The following AGBL5 variants were observed in gnomAD, a reference collection of about 807,000 sequenced individuals.
AGBL5 encodes cytosolic carboxypeptidase-like protein 5.
AGBL5 carries 51 observed loss-of-function variants against 88.0 expected under a neutral mutation model. The ratio of observed to expected loss-of-function variants is 0.58; its 90% CI spans 0.46 to 0.73. The LOEUF (loss-of-function observed/expected upper bound fraction) is 0.73. AGBL5 is among the 30% of genes least tolerant of loss of function. AGBL5 has a pLI of 0.00. For missense variants in AGBL5, 1,031 were observed against 1,162.2 expected, an observed-to-expected ratio of 0.89 and a Z score of 1.64; for synonymous variants, 446 against 438.8, an observed-to-expected ratio of 1.02 and a Z score of -0.21.
At chr2:27,068,131 T>A (rs139020865) in intron 12 of AGBL5, among the ~76,000 whole-genome samples, 1 of 152,314 alleles carries the variant, frequency 6.6e-6, no homozygotes, top group East Asian at 1.9e-4. Context: ...ATTTTAAGAC[T>A]CTAGTCCAAC....
Position 27,070,244 on chromosome 2 carries a change from C to T in AGBL5, c.2642C>T (p.Thr881Ile), listed in dbSNP as rs1227720773. 2 of 1,614,220 alleles carry T rather than the reference C, an allele frequency of 1.2e-6. No homozygotes were observed. Among genetic ancestry groups the T allele is most frequent in the South Asian group, 1.1e-5 (1 of 91,084 alleles). The change falls in exon 15 of 15, where the codon ACT becomes ATT. Residue 881 changes from threonine (T) to isoleucine (I), a missense_variant. Thr to Ile is a moderately conservative substitution (Grantham distance 89, BLOSUM62 -1). Coordinates refer to ENST00000360131, the MANE Select transcript of AGBL5 (RefSeq NM_021831.6). Reference sequence around the variant, plus strand: ...TTTGTCCCTAAATCTCCCCCACTGACTGTTTCTCCCCGGGTCTGATAATGC... The same window carrying T: ...TTTGTCCCTAAATCTCCCCCACTGATTGTTTCTCCCCGGGTCTGATAATGC... ...VCFVPKSPPLTVSPRV is the reference protein window; with the variant it reads ...VCFVPKSPPLIVSPRV
intron 12 of AGBL5, 27 bp downstream of exon 12, chr2:27,067,673 G>A: frequency 6.2e-7 from 1 of 1,612,902 alleles, no homozygotes; most frequent in East Asian, 2.2e-5. Flanking sequence ...ACTGAAATCT[G>A]GGTTTGCCAG....
Position 27,053,766 on chromosome 2 carries a change from A to G in AGBL5, c.388-130A>G. On this transcript the variant is annotated intron_variant, in intron 3 of 14. Transcript: ENST00000360131. This position sits in a 1 kb window ranked among gnomAD's most constrained non-coding sequence, Gnocchi z 4.9. Reference sequence around the variant, plus strand: ...AAGCCTAGAAGGAGCCACTTTTCATATAGAAAGTGTCACAGGGAGGGAAGT... The same window carrying G: ...AAGCCTAGAAGGAGCCACTTTTCATGTAGAAAGTGTCACAGGGAGGGAAGT... The G allele has an allele frequency of 7.1e-7, 1 of 1,417,144 alleles. No individual in the cohort carries two copies. Among genetic ancestry groups the G allele is most frequent in the Non-Finnish European group, 9.5e-7 (1 of 1,051,032 alleles). 87.8% of individuals were successfully genotyped at this position (1,417,144 alleles called of 1,614,324 possible).
In AGBL5 at chr2:27,055,172, G is replaced by C. The variant is rs141571521; in HGVS notation, c.827G>C (p.Arg276Pro). The C allele has an allele frequency of 2.5e-6, 4 of 1,614,164 alleles. No homozygotes were observed. The change falls in exon 6 of 15, where the codon CGG becomes CCG. Residue 276 changes from arginine to proline, a missense_variant. Arg to Pro is a moderately radical substitution (Grantham distance 103). Transcript: ENST00000360131. Reference protein sequence around the residue: ...LDFILRPDDPRAQTLRRLFVF... With the variant: ...LDFILRPDDPPAQTLRRLFVF... ...TTCATCCTCCGACCTGATGATCCCC[G>C]GGCCCAAACCCTCCGTCGCCTCTTC...
intron 8 of AGBL5, 45 bp from the exon 9 acceptor site, chr2:27,057,258 G>A (rs899395892): frequency 5.1e-6 from 8 of 1,576,764 alleles, no homozygotes; most frequent in Admixed American, 3.5e-5. Context: ...GTTCTGTCCT[G>A]GTATCTGTTC....
chr2:27,058,227 G>C (rs1018598110), intron 9 of AGBL5, among the ~76,000 whole-genome samples, 173 bp from the exon 10 acceptor site: 11 of 152,194 alleles, frequency 7.2e-5, no homozygotes, highest in Admixed American at 2.6e-4. Context: ...GTAGTTTAGG[G>C]AACAGCTCCA....
At position 27,055,267 on chromosome 2, in the gene AGBL5, C is replaced by T. The variant is rs1668371678; in HGVS notation, c.908+14C>T. 1.2e-6 allele frequency: 2 copies of T among 1,613,204 alleles called. No homozygotes were observed. Among genetic ancestry groups the T allele is most frequent in the Non-Finnish European group, 1.7e-6 (2 of 1,179,438 alleles). On this transcript the variant is annotated intron_variant, in intron 6 of 14. Coordinates refer to ENST00000360131, the MANE Select transcript of AGBL5 (RefSeq NM_021831.6). Reference sequence around the variant, plus strand: ...GGGACACTACCGGTAAGTGGCTTCCCCAGCCTGTCTGGACTGTTCCCATTT... The same window carrying T: ...GGGACACTACCGGTAAGTGGCTTCCTCAGCCTGTCTGGACTGTTCCCATTT...
At chr2:27,054,154 T>G in intron 4 of AGBL5, 95 bp downstream of exon 4, 1 of 1,410,750 alleles carries the variant, frequency 7.1e-7, no homozygotes, top group Non-Finnish European at 9.6e-7. Flanking sequence ...GAACCATACT[T>G]TCATCCGTCT....
chr2:27,055,462 T>C, intron 6 of AGBL5: 1 of 838,458 alleles, frequency 1.2e-6, no homozygotes, highest in Admixed American at 2.9e-5. Flanking sequence ...TGCAGGCCCA[T>C]CTGGGTGGAG....
intron 11 of AGBL5, among the ~76,000 whole-genome samples, chr2:27,067,247 A>G (rs1669032877): frequency 6.9e-6 from 1 of 144,004 alleles, no homozygotes; most frequent in African/African-American, 2.7e-5. Flanking sequence ...CAGAGTGGAA[A>G]CCTTTAAAAA....
At chr2:27,051,232 G>GT (rs879874979), upstream of AGBL5, among the ~76,000 whole-genome samples, 71 of 152,182 alleles carry the variant, frequency 4.7e-4, no homozygotes, top group Admixed American at 1.6e-3. Context: ...AGCTCAAATG[G>GT]TAGAGCGCTC....
intron 13 of AGBL5, chr2:27,069,317 T>C (rs986094106): frequency 1.3e-4 from 125 of 985,294 alleles, no homozygotes; most frequent in Non-Finnish European, 1.4e-4. Context: ...ACCTTAGTCA[T>C]GGTGTAGCCA....
chr2:27,058,737 A>C, intron 10 of AGBL5, 135 bp downstream of exon 10: 1 of 955,260 alleles, frequency 1.0e-6, no homozygotes, highest in Non-Finnish European at 1.6e-6. Context: ...GGTAAATTAA[A>C]ATTAGTCAGA....
chr2:27,070,207 C>T lies in AGBL5; in HGVS notation c.2605C>T (p.Pro869Ser), dbSNP rs776623695. 8.7e-6 allele frequency: 14 copies of T among 1,614,218 alleles called. No individual in the cohort carries two copies. The highest frequency in any genetic ancestry group is 2.7e-5 in the African/African-American group (2 of 75,072). ...NCYSRGPLGQ[P>S]EVCFVPKSPP... ...TTACAGCAGGGGTCCCTTGGGCCAA[C>T]CTGAGGTTTGTTTTGTCCCTAAATC... is the stretch of plus-strand genomic sequence containing the variant. Residue 869 changes from proline to serine, a missense_variant, in exon 15 of 15, where the codon CCT becomes TCT. Around this residue, in one of 2 missense-constraint regions of AGBL5, gnomAD observed 491 missense variants for 484.0 expected, o/e 1.01. Coordinates refer to ENST00000360131, the MANE Select transcript of AGBL5 (RefSeq NM_021831.6).
In AGBL5 at chr2:27,069,230, C is replaced by T. The variant is rs548579017; in HGVS notation, c.2356-343C>T. 1.6e-5 allele frequency: 22 copies of T among 1,352,852 alleles called. No individual in the cohort carries two copies. The South Asian group carries it at 3.0e-4, about 18-fold the overall frequency. The allele number at this position is 1,352,852 out of a possible 1,614,324, so 83.8% of individuals were successfully genotyped here. On this transcript the variant is annotated intron_variant, in intron 13 of 14. Transcript: ENST00000360131. ...GAAGTGTACACTGCTCTGGCAGGGG[C>T]TAAAGCATAGAGGGCTCTGAGAGAG...
chr2:27,067,726 G>A (rs1669065755), intron 12 of AGBL5, 80 bp downstream of exon 12: 1 of 1,512,094 alleles, frequency 6.6e-7, no homozygotes, highest in Non-Finnish European at 9.2e-7. Flanking sequence ...CTAGTTGGGA[G>A]ACCAGGGGCA....
At position 27,053,278 on chromosome 2, in the gene AGBL5, C is replaced by A; in HGVS notation, c.215+105C>A. ...CAGCATACTCCCTGTCCATTTCTGA[C>A]CCATCGTCCCTCCTTTCTCCTTGCC... On this transcript the variant is annotated intron_variant, in intron 2 of 14. Coordinates refer to ENST00000360131, the MANE Select transcript of AGBL5 (RefSeq NM_021831.6). The surrounding 1 kb of genome is among the most constrained non-coding windows in gnomAD (Gnocchi z 4.9). The A allele has an allele frequency of 6.6e-7, 1 of 1,517,280 alleles. No individual in the cohort carries two copies. The highest frequency in any genetic ancestry group is 8.9e-7 in the Non-Finnish European group (1 of 1,120,052). The allele number at this position is 1,517,280 out of a possible 1,614,324, so 94.0% of individuals were successfully genotyped here. A position where few individuals can be genotyped will look rare whatever the true frequency, so the allele number is the denominator to read the frequency against.
At chr2:27,067,732 G>GTTCTTTA (rs779340052) in intron 12 of AGBL5, 86 bp downstream of exon 12, 111 of 1,482,930 alleles carry the variant, frequency 7.5e-5, no homozygotes, top group Non-Finnish European at 9.8e-5. Context: ...GGGAGACCAG[G>GTTCTTTA]GGCATCACTT....
At position 27,054,000 on chromosome 2, in the gene AGBL5, C is replaced by T; in HGVS notation, c.492C>T (p.Cys164=). ...AFCYPFSYSD[C]QELLNQLDQR... ...GCTACCCCTTCTCCTACAGTGACTGCCAGGAACTGCTAAACCAGCTAGACC... is the reference window on the plus strand; with the variant it reads ...GCTACCCCTTCTCCTACAGTGACTGTCAGGAACTGCTAAACCAGCTAGACC... Residue 164 remains cysteine (C), a synonymous_variant, in exon 4 of 15, where the codon TGC becomes TGT. Coordinates refer to ENST00000360131, the MANE Select transcript of AGBL5 (RefSeq NM_021831.6). The surrounding 1 kb of genome is among the most constrained non-coding windows in gnomAD (Gnocchi z 4.9). 1 of 1,614,176 alleles carries T rather than the reference C, an allele frequency of 6.2e-7. No homozygotes were observed. Among genetic ancestry groups the T allele is most frequent in the African/African-American group, 1.3e-5 (1 of 75,052 alleles).
Sources: gnomAD v4.1 joint callset for allele counts (sites outside exome capture counted in the v4.1 genomes callset) on GRCh38, gnomAD v4.1.1 for gene constraint, gnomAD v4.1.1 regional missense constraint, Gnocchi (gnomAD v3.1) non-coding constraint, MANE v1.5 for transcripts, NCBI Gene and HGNC (gene_info 2026-07-23, HGNC 2026-07-21) for gene names.